ZEB1: variants seen among roughly 807,000 people sequenced by gnomAD.
ZEB1 encodes the protein zinc finger E-box binding homeobox 1.
A neutral mutation model predicts 84.9 loss-of-function variants in ZEB1; 21 were observed. That is an observed-to-expected ratio of 0.25 (90% CI 0.18 to 0.36). The LOEUF is 0.36. ZEB1 is among the 10% of genes least tolerant of loss of function. ZEB1 has a pLI of 1.00. For synonymous variants in ZEB1, 420 were observed against 471.1 expected (o/e 0.89, Z 1.41); for missense variants, 1,104 against 1,330.2 (o/e 0.83, Z 2.65).
chr10:31,341,585 T>C (rs2039377253), intron 1 of ZEB1, among the ~76,000 whole-genome samples: 1 of 152,042 alleles, frequency 6.6e-6, no homozygotes, highest in Non-Finnish European at 1.5e-5. Context: ...GGGATATAGA[T>C]GGGGGTCCTG....
At chr10:31,388,649 A>C (rs2049067659) in intron 1 of ZEB1, among the ~76,000 whole-genome samples, 1 of 152,114 alleles carries the variant, frequency 6.6e-6, no homozygotes, top group African/African-American at 2.4e-5. Flanking sequence ...TTAAATCTTC[A>C]AAACAGATAT....
At chr10:31,504,993 G>C (rs1390006652) in intron 4 of ZEB1, among the ~76,000 whole-genome samples, 2 of 152,066 alleles carry the variant, frequency 1.3e-5, no homozygotes, top group African/African-American at 4.8e-5. Flanking sequence ...TTGAATAGGA[G>C]TGGTGAAGGA....
At chr10:31,518,189 G>T (rs1262081856) in intron 6 of ZEB1, among the ~76,000 whole-genome samples, 1 of 152,116 alleles carries the variant, frequency 6.6e-6, no homozygotes, top group African/African-American at 2.4e-5. Flanking sequence ...ACTTTTGTCT[G>T]TTGTATTTTG....
intron 1 of ZEB1, among the ~76,000 whole-genome samples, chr10:31,444,625 T>C (rs1433847019): frequency 6.6e-6 from 1 of 151,980 alleles, no homozygotes; most frequent in Non-Finnish European, 1.5e-5. Flanking sequence ...TTCAGCTTTC[T>C]ACATATGGCT....
chr10:31,527,603 A>T lies in ZEB1; in HGVS notation c.*339A>T. 1 of 275,566 alleles carries T rather than the reference A, an allele frequency of 3.6e-6. No individual in the cohort carries two copies. The highest frequency in any genetic ancestry group is 6.9e-6 in the Non-Finnish European group (1 of 145,180). The allele number at this position is 275,566 out of a possible 1,614,324, so 17.1% of individuals were successfully genotyped here. ...AGAGGTTAAAGGAAGCTGATTAATT[A>T]GATATGCATCTGGCATTGTTTTATC... On this transcript the variant is annotated 3_prime_UTR_variant, in exon 9 of 9. Transcript: ENST00000424869.
chr10:31,440,767 C>T (rs1445906118), intron 1 of ZEB1, among the ~76,000 whole-genome samples: 1 of 152,128 alleles, frequency 6.6e-6, no homozygotes, highest in East Asian at 1.9e-4. Context: ...CAATAACAGA[C>T]AAACAGAAAG....
At chr10:31,375,585 C>T (rs2046479789) in intron 1 of ZEB1, among the ~76,000 whole-genome samples, 1 of 151,440 alleles carries the variant, frequency 6.6e-6, no homozygotes, top group Non-Finnish European at 1.5e-5. Context: ...AAAATTCTAC[C>T]AATAGTCATC....
At position 31,526,791 on chromosome 10, in the gene ZEB1, C is replaced by T. The variant is rs751401795; in HGVS notation, c.2905C>T (p.Arg969Cys). 5 of 1,614,080 alleles carry T rather than the reference C, an allele frequency of 3.1e-6. No individual in the cohort carries two copies. Among genetic ancestry groups the T allele is most frequent in the East Asian group, 2.2e-5 (1 of 44,842 alleles). Residue 969 changes from arginine to cysteine, a missense_variant, in exon 9 of 9, where the codon CGC becomes TGC. Arg to Cys is a radical substitution (Grantham distance 180, BLOSUM62 -3). This residue lies in a region of ZEB1 where 53 missense variants were observed against 92.5 expected (regional missense o/e 0.57). Transcript: ENST00000424869. ...CTATCAATGTGACAAATGTGGAAAG[C>T]GCTTCTCACACTCTGGGTCTTATTC... Reference protein sequence around the residue: ...KPYQCDKCGKRFSHSGSYSQH... With the variant: ...KPYQCDKCGKCFSHSGSYSQH...
At chr10:31,465,477 A>T (rs923305766) in intron 2 of ZEB1, among the ~76,000 whole-genome samples, 9 of 151,324 alleles carry the variant, frequency 5.9e-5, no homozygotes, top group South Asian at 4.1e-4. Context: ...TATATATATA[A>T]AATATCAATG....
intron 1 of ZEB1, among the ~76,000 whole-genome samples, chr10:31,366,039 A>G (rs752882884): frequency 1.3e-5 from 2 of 152,202 alleles, no homozygotes; most frequent in African/African-American, 4.8e-5. Context: ...GCTCTAGCAA[A>G]TCAGAGCTAA....
chr10:31,412,069 A>G (rs1402914075), intron 1 of ZEB1, among the ~76,000 whole-genome samples: 3 of 152,228 alleles, frequency 2.0e-5, no homozygotes, highest in Admixed American at 1.3e-4. Context: ...ATGCAGAGAA[A>G]TATTTACAAC....
chr10:31,392,792 T>C (rs2049991672), intron 1 of ZEB1, among the ~76,000 whole-genome samples: 1 of 151,196 alleles, frequency 6.6e-6, no homozygotes, highest in Admixed American at 6.6e-5. Context: ...ATGTAAAATA[T>C]ATTAATATAC....
intron 1 of ZEB1, among the ~76,000 whole-genome samples, chr10:31,377,779 C>A (rs1000288089): frequency 4.0e-5 from 6 of 151,418 alleles, no homozygotes; most frequent in Non-Finnish European, 8.9e-5. Flanking sequence ...GATTAAAATT[C>A]CTTTTTAAAT....
intron 1 of ZEB1, among the ~76,000 whole-genome samples, chr10:31,330,630 C>T (rs1331037243): frequency 6.6e-6 from 1 of 152,010 alleles, no homozygotes; most frequent in Non-Finnish European, 1.5e-5. Context: ...ATGTAGTTTT[C>T]TCCTTGAGAT....
intron 1 of ZEB1, among the ~76,000 whole-genome samples, chr10:31,458,793 C>T (rs2061520177): frequency 6.6e-6 from 1 of 151,616 alleles, no homozygotes; most frequent in South Asian, 2.1e-4. Flanking sequence ...TTAACACAGG[C>T]AAAAAAATTA....
At chr10:31,511,183 T>C (rs944995865) in intron 5 of ZEB1, among the ~76,000 whole-genome samples, 7 of 152,200 alleles carry the variant, frequency 4.6e-5, no homozygotes, top group African/African-American at 1.4e-4. Flanking sequence ...AGATGTTAAA[T>C]TGCATTCTAT....
At chr10:31,451,481 T>C (rs921866485) in intron 1 of ZEB1, among the ~76,000 whole-genome samples, 3 of 152,192 alleles carry the variant, frequency 2.0e-5, no homozygotes, top group Non-Finnish European at 4.4e-5. Flanking sequence ...CACACTTAGA[T>C]TTCGTCATAC....
chr10:31,441,718 A>C (rs563475116), intron 1 of ZEB1, among the ~76,000 whole-genome samples: 65 of 152,262 alleles, frequency 4.3e-4, no homozygotes, highest in Non-Finnish European at 3.8e-4. Flanking sequence ...CAAGAAAAAA[A>C]CAACCCCATC....
chr10:31,441,305 G>A (rs2058948406), intron 1 of ZEB1, among the ~76,000 whole-genome samples: 1 of 152,212 alleles, frequency 6.6e-6, no homozygotes, highest in South Asian at 2.1e-4. Flanking sequence ...AAGAAATGGG[G>A]AAAGAATTTC....
Sources: allele counts gnomAD v4.1 joint callset (sites outside exome capture counted in the v4.1 genomes callset), GRCh38; gene constraint gnomAD v4.1.1; regional missense constraint gnomAD v4.1.1; transcripts MANE v1.5; gene names NCBI Gene and HGNC (gene_info 2026-07-23, HGNC 2026-07-21).